Variants in FHIT observed in about 807,000 individuals in gnomAD.
FHIT encodes the protein bis(5'-adenosyl)-triphosphatase.
In FHIT, 19 loss-of-function variants were observed where a neutral mutation model predicts 17.9. The observed-to-expected ratio is 1.06, with a 90% confidence interval of 0.74 to 1.56. FHIT has a LOEUF of 1.56. Among genes scored for constraint, FHIT ranks in the 40% most tolerant of loss-of-function variants. The probability of loss-of-function intolerance (pLI) is 0.00; values close to 1 mark genes in which losing one functional copy is unlikely to be tolerated. For missense variants in FHIT, 248 were observed against 189.2 expected, an observed-to-expected ratio of 1.31 and a Z score of -1.82; for synonymous variants, 81 against 69.7, an observed-to-expected ratio of 1.16 and a Z score of -0.81.
chr3:61,154,620 C>T (rs946604366), intron 2 of FHIT, among the ~76,000 whole-genome samples: 2 of 152,120 alleles, frequency 1.3e-5, no homozygotes, highest in Non-Finnish European at 2.9e-5. Context: ...AACGGCAGCG[C>T]GTGTCCTTGG....
intron 4 of FHIT, among the ~76,000 whole-genome samples, chr3:60,782,138 CTT>C (rs2108097760): frequency 6.6e-6 from 1 of 152,150 alleles, no homozygotes; most frequent in Non-Finnish European, 1.5e-5. Flanking sequence ...GCTTAGCTGA[CTT>C]AGCATAATGT....
chr3:60,893,356 A>G (rs545938405), intron 3 of FHIT, among the ~76,000 whole-genome samples: 5 of 152,304 alleles, frequency 3.3e-5, no homozygotes, highest in South Asian at 4.1e-4. Flanking sequence ...GTGACACATA[A>G]AACTTGTATT....
chr3:60,859,214 C>T (rs1553750722), intron 3 of FHIT, among the ~76,000 whole-genome samples: 2 of 152,114 alleles, frequency 1.3e-5, no homozygotes, highest in South Asian at 2.1e-4. Flanking sequence ...CGAAGCAGAC[C>T]TGTGTTCATC....
intron 3 of FHIT, among the ~76,000 whole-genome samples, chr3:61,028,290 G>C (rs1012207559): frequency 3.3e-5 from 5 of 152,162 alleles, no homozygotes; most frequent in Non-Finnish European, 7.3e-5. Context: ...GACATACAAA[G>C]AAGTAAGATA....
At chr3:59,974,614 C>A (rs1708330099) in intron 7 of FHIT, among the ~76,000 whole-genome samples, 1 of 152,098 alleles carries the variant, frequency 6.6e-6, no homozygotes, top group Non-Finnish European at 1.5e-5. Context: ...AAGGATGAGT[C>A]TATGTAAAGG....
chr3:60,659,502 C>T (rs546761867), intron 4 of FHIT, among the ~76,000 whole-genome samples: 11 of 152,084 alleles, frequency 7.2e-5, no homozygotes, highest in African/African-American at 2.2e-4. Context: ...TTTCCTTGTC[C>T]TATCTTCAAG....
At chr3:60,135,066 C>T (rs1432249587) in intron 5 of FHIT, among the ~76,000 whole-genome samples, 1 of 151,946 alleles carries the variant, frequency 6.6e-6, no homozygotes, top group Non-Finnish European at 1.5e-5. Context: ...GAGGAGGAAT[C>T]TCAAATAAAA....
chr3:60,327,462 G>A (rs950749895), intron 5 of FHIT, among the ~76,000 whole-genome samples: 5 of 152,222 alleles, frequency 3.3e-5, no homozygotes, highest in Non-Finnish European at 5.9e-5. Flanking sequence ...ATAAATAAAC[G>A]GGCATGGCTA....
rs138317821 is a variant in FHIT at position 60,310,738 on chromosome 3, G to T, written c.103+226122C>A. On this transcript the variant is annotated intron_variant, in intron 5 of 9. Coordinates refer to ENST00000492590, the MANE Select transcript of FHIT (RefSeq NM_002012.4). The stretch of plus-strand genomic sequence containing the variant: ...GAAAACAAAGGGCTCATTTACAAAT[G>T]AAATTTGTAATTGAAATTATTTTGA... Among the ~76,000 whole-genome samples, 11 of 152,230 alleles carry T rather than the reference G, an allele frequency of 7.2e-5. No homozygotes were observed. The East Asian group carries it at 1.9e-3, about 27-fold the overall frequency.
chr3:60,493,719 C>G (rs1455164132), intron 5 of FHIT, among the ~76,000 whole-genome samples: 6 of 152,004 alleles, frequency 3.9e-5, no homozygotes, highest in Admixed American at 3.9e-4. Context: ...CAATGTTGAA[C>G]AAAGTTCAAT....
intron 5 of FHIT, among the ~76,000 whole-genome samples, chr3:60,096,724 G>C (rs1703964876): frequency 6.6e-6 from 1 of 152,138 alleles, no homozygotes; most frequent in Admixed American, 6.5e-5. Context: ...TTCAAGCTGA[G>C]GCAGACGCAT....
chr3:60,439,184 A>G (rs1217846172), intron 5 of FHIT, among the ~76,000 whole-genome samples: 1 of 152,138 alleles, frequency 6.6e-6, no homozygotes, highest in Non-Finnish European at 1.5e-5. Flanking sequence ...ACTGGTGCAC[A>G]GTGGGTAACA....
Position 59,752,409 on chromosome 3 carries a change from A to G in FHIT, c.349-88T>C, listed in dbSNP as rs531412257. The stretch of plus-strand genomic sequence containing the variant: ...TCGGGGGGCTGGGGGAGACTGAACA[A>G]AATTTGCAAATTAGAGGCCAGTAGG... On this transcript the variant is annotated intron_variant, in intron 8 of 9. Transcript: ENST00000492590. 1.7e-5 allele frequency: 15 copies of G among 895,226 alleles called. No homozygotes were observed. In the East Asian group the frequency reaches 3.7e-4, roughly 22 times the overall value. 55.5% of individuals were successfully genotyped at this position (895,226 alleles called of 1,614,324 possible).
intron 5 of FHIT, among the ~76,000 whole-genome samples, chr3:60,150,539 T>A (rs1405061683): frequency 6.6e-6 from 1 of 152,208 alleles, no homozygotes; most frequent in African/African-American, 2.4e-5. Context: ...CAGGCTGGAC[T>A]TGCATTCTTT....
intron 5 of FHIT, among the ~76,000 whole-genome samples, chr3:60,427,509 T>G (rs545261647): frequency 3.5e-4 from 54 of 152,254 alleles, no homozygotes; most frequent in Non-Finnish European, 6.9e-4. Context: ...TTCTGTGGCT[T>G]TAAGCCACTA....
At chr3:61,230,184 C>G (rs902381794) in intron 1 of FHIT, among the ~76,000 whole-genome samples, 5 of 152,204 alleles carry the variant, frequency 3.3e-5, no homozygotes, top group Admixed American at 6.5e-5. Flanking sequence ...CCCCCCAAAT[C>G]TCATGTTGAA....
At chr3:60,134,313 G>A (rs985937200) in intron 5 of FHIT, among the ~76,000 whole-genome samples, 7 of 152,126 alleles carry the variant, frequency 4.6e-5, no homozygotes, top group Admixed American at 2.0e-4. Flanking sequence ...TCACTTAGTC[G>A]CAGAGACATC....
At chr3:60,992,870 T>C (rs1387434296) in intron 3 of FHIT, among the ~76,000 whole-genome samples, 2 of 152,174 alleles carry the variant, frequency 1.3e-5, no homozygotes, top group African/African-American at 4.8e-5. Flanking sequence ...GGAACATGTA[T>C]TTAGAAAGTA....
intron 5 of FHIT, among the ~76,000 whole-genome samples, chr3:60,228,724 C>T (rs901762095): frequency 1.4e-4 from 22 of 152,090 alleles, no homozygotes; most frequent in African/African-American, 5.3e-4. Context: ...TTACGAGACC[C>T]TTGAATAAAA....
Sources: gnomAD v4.1 joint callset for allele counts (sites outside exome capture counted in the v4.1 genomes callset) on GRCh38, gnomAD v4.1.1 for gene constraint, MANE v1.5 for transcripts, NCBI Gene and HGNC (gene_info 2026-07-23, HGNC 2026-07-21) for gene names.